Variants in DIP2C observed in about 807,000 individuals in gnomAD.
The protein encoded by DIP2C is DIP2 acetate--CoA ligase C (putative), also known as disco-interacting protein 2 homolog C.
Under a neutral mutation model 192.4 loss-of-function variants are expected in DIP2C, and 33 were observed. That is an observed-to-expected ratio of 0.17 (90% CI 0.13 to 0.23). DIP2C has a LOEUF of 0.23. Ranked by LOEUF, DIP2C falls within the 10% of genes least tolerant of loss-of-function variation. The pLI is 1.00. For missense variants in DIP2C, 1,537 were observed against 2,110.1 expected, an observed-to-expected ratio of 0.73 and a Z score of 5.32; for synonymous variants, 979 against 864.1, an observed-to-expected ratio of 1.13 and a Z score of -2.33.
intron 1 of DIP2C, among the ~76,000 whole-genome samples, chr10:557,287 C>T (rs947762287): frequency 1.3e-5 from 2 of 152,200 alleles, no homozygotes; most frequent in African/African-American, 2.4e-5. Flanking sequence ...TACAGATAGC[C>T]ACAGCCCTGG....
At chr10:599,872 C>T (rs866994588) in intron 1 of DIP2C, among the ~76,000 whole-genome samples, 11 of 152,164 alleles carry the variant, frequency 7.2e-5, no homozygotes, top group Non-Finnish European at 5.9e-5. Flanking sequence ...ACAGTGCTGC[C>T]GCCGCCTCCC....
intron 1 of DIP2C, among the ~76,000 whole-genome samples, chr10:565,178 G>A (rs1849395702): frequency 6.6e-6 from 1 of 152,014 alleles, no homozygotes; most frequent in Admixed American, 6.6e-5. Context: ...ACAGGCAAGA[G>A]AACACGTCCA....
At chr10:590,989 G>A (rs1851368814) in intron 1 of DIP2C, among the ~76,000 whole-genome samples, 1 of 152,196 alleles carries the variant, frequency 6.6e-6, no homozygotes, top group Non-Finnish European at 1.5e-5. Flanking sequence ...CAAGCTGGGT[G>A]GCACATTGGT....
intron 4 of DIP2C, among the ~76,000 whole-genome samples, chr10:436,372 T>A (rs974367721): frequency 6.6e-6 from 1 of 152,234 alleles, no homozygotes; most frequent in Non-Finnish European, 1.5e-5. Flanking sequence ...ATCGTGACCA[T>A]GGGCAGGCTT....
chr10:674,789 T>TATATATATATAGAGAGAG, intron 1 of DIP2C, among the ~76,000 whole-genome samples: 53 of 62,466 alleles, frequency 8.5e-4, no homozygotes, highest in African/African-American at 2.3e-3. Flanking sequence ...TATATATATA[T>TATATATATATAGAGAGAG]AGAGAGAGAG....
chr10:302,935 T>C (rs1029660515), intron 32 of DIP2C, among the ~76,000 whole-genome samples: 1 of 151,864 alleles, frequency 6.6e-6, no homozygotes, highest in Admixed American at 6.6e-5. Context: ...ACTTGTAAGC[T>C]AAGACATCAC....
intron 1 of DIP2C, among the ~76,000 whole-genome samples, chr10:662,541 G>A (rs1250574401): frequency 6.6e-6 from 1 of 152,206 alleles, no homozygotes; most frequent in Non-Finnish European, 1.5e-5. Flanking sequence ...GTTTATGCCA[G>A]TGTACTTGTT....
intron 29 of DIP2C, among the ~76,000 whole-genome samples, chr10:338,009 G>GCT (rs1185568500): frequency 6.6e-6 from 1 of 151,826 alleles, no homozygotes; most frequent in Non-Finnish European, 1.5e-5. Flanking sequence ...CTGTGTGTGT[G>GCT]CTGTGGAGGC....
intron 31 of DIP2C, among the ~76,000 whole-genome samples, chr10:315,673 T>C (rs1000707039): frequency 9.2e-5 from 14 of 152,272 alleles, no homozygotes; most frequent in African/African-American, 3.1e-4. Context: ...TCTTCTCATT[T>C]ACTCTGCCTG....
At position 506,248 on chromosome 10, in the gene DIP2C, G is replaced by A. The variant is rs144347102; in HGVS notation, c.86-19718C>T. Among the ~76,000 whole-genome samples, 115 of 152,254 alleles carry A rather than the reference G, an allele frequency of 7.6e-4. No individual in the cohort carries two copies. The East Asian group carries it at 0.018, about 23-fold the overall frequency. On this transcript the variant is annotated intron_variant, in intron 1 of 36. Transcript: ENST00000280886. ...GTCAAGGCTCCATTTTCTCCTGCTT[G>A]CAGGACTTCTGCATGAAGCTAAGGC... is the stretch of plus-strand genomic sequence containing the variant.
intron 31 of DIP2C, among the ~76,000 whole-genome samples, chr10:317,106 ATT>A (rs1201621859): frequency 1.3e-5 from 2 of 152,176 alleles, no homozygotes; most frequent in Non-Finnish European, 2.9e-5. Context: ...CAAAAATCAC[ATT>A]GAGCTTGTTT....
intron 1 of DIP2C, among the ~76,000 whole-genome samples, chr10:529,703 G>A (rs1035163842): frequency 6.6e-6 from 1 of 152,334 alleles, no homozygotes; most frequent in Non-Finnish European, 1.5e-5. Flanking sequence ...AGCTCACTTA[G>A]CCACTGAAAT....
At position 364,355 on chromosome 10, in the gene DIP2C, T is replaced by G; in HGVS notation, c.2477+19A>C. 5 of 1,599,252 alleles carry G rather than the reference T, an allele frequency of 3.1e-6. No homozygotes were observed. The highest frequency in any genetic ancestry group is 4.3e-6 in the Non-Finnish European group (5 of 1,168,228). On this transcript the variant is annotated intron_variant, in intron 20 of 36. Coordinates refer to ENST00000280886, the MANE Select transcript of DIP2C (RefSeq NM_014974.3). Reference sequence around the variant, plus strand: ...GGCCGACCGGAAACCATATGCTTGATTTGCAGAACGCCACTGACCTTCCCC... The same window carrying G: ...GGCCGACCGGAAACCATATGCTTGAGTTGCAGAACGCCACTGACCTTCCCC...
At chr10:373,802 A>G (rs118064879) in intron 17 of DIP2C, among the ~76,000 whole-genome samples, 2,445 of 152,288 alleles carry the variant, frequency 0.016, 40 homozygotes, top group African/African-American at 0.047. Context: ...TGCTTCAAAG[A>G]AAATGCTAAA....
intron 1 of DIP2C, among the ~76,000 whole-genome samples, chr10:567,745 C>T (rs1849534627): frequency 2.0e-5 from 3 of 152,166 alleles, no homozygotes; most frequent in African/African-American, 7.2e-5. Context: ...TCAAGGGATC[C>T]TCCTGCCTCA....
chr10:324,729 C>T (rs1957185194), intron 31 of DIP2C: 1 of 311,898 alleles, frequency 3.2e-6, no homozygotes, highest in South Asian at 3.0e-5. Flanking sequence ...GAATACAGAA[C>T]CGTGCTCAAC....
At chr10:376,391 G>A (rs980696066) in intron 17 of DIP2C, among the ~76,000 whole-genome samples, 3 of 152,196 alleles carry the variant, frequency 2.0e-5, no homozygotes, top group East Asian at 1.9e-4. Flanking sequence ...TCCCACACAC[G>A]ACGTTCCCTG....
chr10:323,887 C>G (rs1240046407), intron 31 of DIP2C, among the ~76,000 whole-genome samples: 2 of 152,142 alleles, frequency 1.3e-5, no homozygotes, highest in East Asian at 3.9e-4. Context: ...GTGGTTTCTG[C>G]CGCTGGATCC....
At chr10:594,678 G>A (rs1851601229) in intron 1 of DIP2C, among the ~76,000 whole-genome samples, 1 of 152,168 alleles carries the variant, frequency 6.6e-6, no homozygotes, top group Non-Finnish European at 1.5e-5. Context: ...TGACAGGAAG[G>A]CCCAATGCTT....
Sources: allele counts gnomAD v4.1 joint callset (sites outside exome capture counted in the v4.1 genomes callset), GRCh38; gene constraint gnomAD v4.1.1; transcripts MANE v1.5; gene names NCBI Gene and HGNC (gene_info 2026-07-23, HGNC 2026-07-21).